Variants in GRID2 observed in about 807,000 individuals in gnomAD.
GRID2 encodes glutamate receptor ionotropic, delta-2.
GRID2 carries 33 observed loss-of-function variants against 114.8 expected under a neutral mutation model. That is an observed-to-expected ratio of 0.29 (90% CI 0.22 to 0.38). The LOEUF is 0.38. Among genes scored for constraint, GRID2 ranks in the 10% least tolerant of loss-of-function variants. GRID2 has a pLI of 1.00. For synonymous variants in GRID2, 505 were observed against 449.9 expected, an observed-to-expected ratio of 1.12 and a Z score of -1.55; for missense variants, 1,184 against 1,257.7, an observed-to-expected ratio of 0.94 and a Z score of 0.89.
chr4:92,808,529 T>A (rs540566773), intron 2 of GRID2, among the ~76,000 whole-genome samples: 3 of 152,174 alleles, frequency 2.0e-5, no homozygotes, highest in Middle Eastern at 6.8e-3. Flanking sequence ...AGTGATTTAA[T>A]TAGAAAAGGT....
At chr4:93,344,573 G>A (rs1760002235) in intron 8 of GRID2, among the ~76,000 whole-genome samples, 1 of 150,054 alleles carries the variant, frequency 6.7e-6, no homozygotes, top group Non-Finnish European at 1.5e-5. Context: ...TTTTGTGAGA[G>A]CATTGGAGAG....
At chr4:92,596,077 C>T (rs1032635591) in intron 2 of GRID2, among the ~76,000 whole-genome samples, 3 of 152,096 alleles carry the variant, frequency 2.0e-5, no homozygotes, top group Admixed American at 2.0e-4. Flanking sequence ...AGTATGTGTA[C>T]CCCAACAGCC....
intron 2 of GRID2, among the ~76,000 whole-genome samples, chr4:93,031,221 T>C (rs1724402063): frequency 6.6e-6 from 1 of 151,874 alleles, no homozygotes; most frequent in Non-Finnish European, 1.5e-5. Context: ...AATTTTTATA[T>C]TTTTAGTAGA....
chr4:93,139,788 G>A (rs1338266142), intron 4 of GRID2, among the ~76,000 whole-genome samples: 2 of 151,260 alleles, frequency 1.3e-5, no homozygotes, highest in Admixed American at 6.6e-5. Flanking sequence ...ACACATAGCT[G>A]TAAATTATTG....
chr4:93,607,336 A>G (rs1740356836), intron 13 of GRID2, among the ~76,000 whole-genome samples: 1 of 152,126 alleles, frequency 6.6e-6, no homozygotes, highest in Admixed American at 6.6e-5. Flanking sequence ...GCTTTTTAAT[A>G]TTCTGCAAAC....
intron 1 of GRID2, among the ~76,000 whole-genome samples, chr4:92,493,840 A>T (rs2149116239): frequency 6.6e-6 from 1 of 152,310 alleles, no homozygotes; most frequent in Admixed American, 6.5e-5. Flanking sequence ...AAATAACCAT[A>T]TAAAGCAATC....
intron 2 of GRID2, among the ~76,000 whole-genome samples, chr4:92,951,836 T>C (rs1293467703): frequency 6.6e-6 from 1 of 152,174 alleles, no homozygotes; most frequent in Non-Finnish European, 1.5e-5. Context: ...TTTCTTCAAG[T>C]GTTTAATATG....
intron 7 of GRID2, among the ~76,000 whole-genome samples, chr4:93,226,155 C>A (rs112632803): frequency 3.5e-4 from 53 of 152,302 alleles, no homozygotes; most frequent in Non-Finnish European, 6.2e-4. Context: ...TCACGTCCCG[C>A]TCACATATAA....
chr4:93,151,120 C>CA (rs3078717), intron 4 of GRID2, among the ~76,000 whole-genome samples: 13,938 of 102,374 alleles, frequency 0.14, 1,222 homozygotes, highest in East Asian at 0.26. Flanking sequence ...TAAGACTCCT[C>CA]AAAAAAAAAA....
At position 93,385,812 on chromosome 4, in the gene GRID2, G is replaced by A. The variant is rs190740396; in HGVS notation, c.1246-9795G>A. Among the ~76,000 whole-genome samples, 7 of 152,016 alleles carry A rather than the reference G, an allele frequency of 4.6e-5. No homozygotes were observed. In the East Asian group the frequency reaches 9.7e-4, roughly 21 times the overall value. On this transcript the variant is annotated intron_variant, in intron 8 of 15. Transcript: ENST00000282020. ...TAACAAACCATTTCATTTTCAGATC[G>A]AGAAACTAAGGTTTTTAAAAAACTG... is the stretch of plus-strand genomic sequence containing the variant.
intron 2 of GRID2, among the ~76,000 whole-genome samples, chr4:92,778,466 C>T (rs1738911865): frequency 6.6e-6 from 1 of 152,090 alleles, no homozygotes; most frequent in South Asian, 2.1e-4. Context: ...CTAGTACCCT[C>T]TCGTGTACAT....
chr4:93,495,954 G>T (rs1228380203), intron 12 of GRID2, among the ~76,000 whole-genome samples: 3 of 151,724 alleles, frequency 2.0e-5, no homozygotes, highest in Non-Finnish European at 4.4e-5. Context: ...GGAAATTCTG[G>T]AAATGACTCT....
At position 92,648,379 on chromosome 4, in the gene GRID2, T is replaced by C. The variant is rs114564791; in HGVS notation, c.244+58093T>C. On this transcript the variant is annotated intron_variant, in intron 2 of 15. Coordinates refer to ENST00000282020, the MANE Select transcript of GRID2 (RefSeq NM_001510.4). ...TTATACTATTGATCTCAGTATCTTA[T>C]GTAAAAGTAGTTACATTTCTTGGAA... is the stretch of plus-strand genomic sequence containing the variant. Among the ~76,000 whole-genome samples the C allele has an allele frequency of 5.3e-3, 789 of 149,882 alleles. 70 individuals carry two copies. The highest frequency in any genetic ancestry group is 0.019 in the African/African-American group (745 of 39,980).
At chr4:93,595,609 C>T (rs1326237814) in intron 13 of GRID2, among the ~76,000 whole-genome samples, 3 of 152,176 alleles carry the variant, frequency 2.0e-5, no homozygotes, top group East Asian at 3.8e-4. Flanking sequence ...ATTTCTCTAC[C>T]ATTGTCACTC....
At chr4:93,297,978 A>C (rs984385818) in intron 8 of GRID2, among the ~76,000 whole-genome samples, 1 of 152,118 alleles carries the variant, frequency 6.6e-6, no homozygotes, top group Non-Finnish European at 1.5e-5. Context: ...ATCAATTGTT[A>C]TTTAAGTCCT....
chr4:92,502,310 T>A (rs539471382), intron 1 of GRID2, among the ~76,000 whole-genome samples: 37 of 152,240 alleles, frequency 2.4e-4, no homozygotes, highest in African/African-American at 8.9e-4. Flanking sequence ...AAAGTGTAAT[T>A]CATTAAAGGT....
At chr4:93,736,960 T>C (rs1478652273) in intron 14 of GRID2, among the ~76,000 whole-genome samples, 1 of 151,926 alleles carries the variant, frequency 6.6e-6, no homozygotes, top group African/African-American at 2.4e-5. Context: ...ATCACCATCA[T>C]TGAGGTAACA....
At chr4:93,808,496 G>T (rs1246836228) in exon 2 of GRID2, 1 of 152,098 alleles carries the variant, frequency 6.6e-6, no homozygotes, top group Non-Finnish European at 1.5e-5. Flanking sequence ...TCACCTGAAG[G>T]ATGTACTCTT....
chr4:92,358,499 G>T (rs540574167), intron 1 of GRID2, among the ~76,000 whole-genome samples: 3 of 151,874 alleles, frequency 2.0e-5, no homozygotes, highest in Non-Finnish European at 2.9e-5. Context: ...ATTCTTCAAG[G>T]AAGAGGAATT....
Sources: allele counts gnomAD v4.1 joint callset (sites outside exome capture counted in the v4.1 genomes callset), GRCh38; gene constraint gnomAD v4.1.1; transcripts MANE v1.5; gene names NCBI Gene and HGNC (gene_info 2026-07-23, HGNC 2026-07-21).